The following YWHAB variants were observed in gnomAD, a reference collection of about 807,000 sequenced individuals.
YWHAB encodes tyrosine 3-monooxygenase/tryptophan 5-monooxygenase activation protein beta, also known as 14-3-3 protein beta/alpha.
In YWHAB, 2 loss-of-function variants were observed where a neutral mutation model predicts 28.5. That is an observed-to-expected ratio of 0.07 (90% confidence interval 0.03 to 0.22). The LOEUF is 0.22. Among genes scored for constraint, YWHAB ranks in the 10% least tolerant of loss-of-function variants. The pLI is 1.00. For synonymous variants in YWHAB, 103 were observed against 104.7 expected, an observed-to-expected ratio of 0.98 and a Z score of 0.10; for missense variants, 148 against 297.1, an observed-to-expected ratio of 0.50 and a Z score of 3.69.
intron 1 of YWHAB, among the ~76,000 whole-genome samples, chr20:44,895,505 G>A (rs2066590524): frequency 6.6e-6 from 1 of 152,184 alleles, no homozygotes; most frequent in South Asian, 2.1e-4. Context: ...CAGGGTGTCT[G>A]TCACCCAGGC....
At chr20:44,900,480 C>T (rs1418484882) in intron 1 of YWHAB, among the ~76,000 whole-genome samples, 1 of 152,154 alleles carries the variant, frequency 6.6e-6, no homozygotes, top group Non-Finnish European at 1.5e-5. Context: ...GTCCTAGTAA[C>T]AAAGTTAGCA....
chr20:44,893,694 C>CTTTTTT (rs3091859), intron 1 of YWHAB, among the ~76,000 whole-genome samples: 37 of 103,788 alleles, frequency 3.6e-4, no homozygotes, highest in African/African-American at 1.2e-3. Flanking sequence ...CCTCCCCTGC[C>CTTTTTT]TTTTTTTTTT....
At chr20:44,902,017 G>A in intron 2 of YWHAB, 184 bp downstream of exon 2, 2 of 557,844 alleles carry the variant, frequency 3.6e-6, no homozygotes, top group Non-Finnish European at 5.8e-6. Flanking sequence ...CCTGATCAGA[G>A]GTTGTACATC....
At chr20:44,896,959 A>G (rs961317117) in intron 1 of YWHAB, among the ~76,000 whole-genome samples, 4 of 152,192 alleles carry the variant, frequency 2.6e-5, no homozygotes, top group Non-Finnish European at 5.9e-5. Flanking sequence ...AGATAAATGG[A>G]TACAGATTTT....
intron 1 of YWHAB, among the ~76,000 whole-genome samples, chr20:44,890,415 A>G (rs1234256714): frequency 1.3e-5 from 2 of 151,826 alleles, no homozygotes; most frequent in African/African-American, 2.4e-5. Flanking sequence ...CTTTTTAAGA[A>G]TGCATCAGTT....
intron 1 of YWHAB, among the ~76,000 whole-genome samples, chr20:44,888,520 G>A (rs1320614503): frequency 6.6e-6 from 1 of 152,202 alleles, no homozygotes; most frequent in African/African-American, 2.4e-5. Flanking sequence ...TCTGAGGAAT[G>A]ATATTATAGA....
At chr20:44,891,776 C>A (rs1168859356) in intron 1 of YWHAB, among the ~76,000 whole-genome samples, 1 of 152,194 alleles carries the variant, frequency 6.6e-6, no homozygotes, top group African/African-American at 2.4e-5. Flanking sequence ...AATAGAAATG[C>A]AGTTTCTCTC....
rs563567654 is a variant in YWHAB, at chr20:44,901,966, A to G, written c.300+133A>G. Reference sequence around the variant, plus strand: ...ACTGGAAAGCTGCCAGGTATTTACAACTAATTTTTAAGCATATGATATAAT... The same window carrying G: ...ACTGGAAAGCTGCCAGGTATTTACAGCTAATTTTTAAGCATATGATATAAT... On this transcript the variant is annotated intron_variant, in intron 2 of 5. Coordinates refer to ENST00000353703, the MANE Select transcript of YWHAB (RefSeq NM_139323.4). The G allele has an allele frequency of 2.2e-3, 2,255 of 1,013,460 alleles. 10 individuals carry two copies. The highest frequency in any genetic ancestry group is 2.2e-3 in the Non-Finnish European group (1,631 of 739,336). The allele number at this position is 1,013,460 out of a possible 1,614,324, so 62.8% of individuals were successfully genotyped here.
chr20:44,888,825 C>T (rs1348523434), intron 1 of YWHAB, among the ~76,000 whole-genome samples: 1 of 152,164 alleles, frequency 6.6e-6, no homozygotes, highest in Non-Finnish European at 1.5e-5. Context: ...TTAGGTTCTT[C>T]ATCTAATAGA....
intron 1 of YWHAB, among the ~76,000 whole-genome samples, chr20:44,898,296 G>A (rs918334520): frequency 6.6e-6 from 1 of 152,150 alleles, no homozygotes; most frequent in African/African-American, 2.4e-5. Context: ...CTCTGCATGT[G>A]ATTTAGATAA....
chr20:44,898,592 T>C (rs868764276), intron 1 of YWHAB, among the ~76,000 whole-genome samples: 6 of 151,676 alleles, frequency 4.0e-5, no homozygotes, highest in Middle Eastern at 3.2e-3. Flanking sequence ...CACTGCAACC[T>C]CCGTCTTCCG....
chr20:44,901,254 A>G (rs2066624580), intron 1 of YWHAB, among the ~76,000 whole-genome samples: 2 of 152,022 alleles, frequency 1.3e-5, no homozygotes, highest in Non-Finnish European at 2.9e-5. Context: ...CTGACCCTCC[A>G]TTTCTTCACC....
chr20:44,896,656 T>C (rs1470435342), intron 1 of YWHAB, among the ~76,000 whole-genome samples: 1 of 152,202 alleles, frequency 6.6e-6, no homozygotes, highest in Non-Finnish European at 1.5e-5. Context: ...AGCAAAGGCA[T>C]GGAGGGGGCT....
Position 44,901,074 on chromosome 20 carries a change from A to G in YWHAB, c.-3-457A>G, listed in dbSNP as rs372948725. Among the ~76,000 whole-genome samples the G allele has an allele frequency of 4.6e-5, 7 of 152,184 alleles. No individual in the cohort carries two copies. The East Asian group carries it at 7.7e-4, about 17-fold the overall frequency. ...CAGGTGTGAGCCACTGCACCCGGCT[A>G]GTAAGCATAAACTTCTAAAGAAATA... is the stretch of plus-strand genomic sequence containing the variant. On this transcript the variant is annotated intron_variant, in intron 1 of 5. Transcript: ENST00000353703.
At chr20:44,891,944 G>A (rs1601088611) in intron 1 of YWHAB, among the ~76,000 whole-genome samples, 1 of 152,188 alleles carries the variant, frequency 6.6e-6, no homozygotes, top group Non-Finnish European at 1.5e-5. Context: ...CAGTTTTATA[G>A]TGGGTGTTTT....
chr20:44,906,038 A>G lies in YWHAB; in HGVS notation c.626A>G (p.Asn209Ser). The G allele has an allele frequency of 6.2e-7, 1 of 1,613,998 alleles. No individual in the cohort carries two copies. Among genetic ancestry groups the G allele is most frequent in the Non-Finnish European group, 8.5e-7 (1 of 1,179,930 alleles). ...GCAATTGCTGAATTGGATACGCTGA[A>G]TGAAGAGTCTTATAAAGACAGCACT... Reference protein sequence around the residue: ...DEAIAELDTLNEESYKDSTLI... With the variant: ...DEAIAELDTLSEESYKDSTLI... The change falls in exon 5 of 6, where the codon AAT becomes AGT. Residue 209 changes from asparagine (N) to serine (S), a missense_variant. Physicochemically the swap from Asn to Ser is conservative, Grantham distance 46. Coordinates refer to ENST00000353703, the MANE Select transcript of YWHAB (RefSeq NM_139323.4).
intron 1 of YWHAB, among the ~76,000 whole-genome samples, chr20:44,889,235 A>G (rs2066545991): frequency 6.6e-6 from 1 of 152,194 alleles, no homozygotes; most frequent in South Asian, 2.1e-4. Context: ...GGAGAAACTA[A>G]CGGTTGGAGC....
rs77983018 is a variant in YWHAB, at chr20:44,891,157, C to T, written c.-4+5271C>T. On this transcript the variant is annotated intron_variant, in intron 1 of 5. Transcript: ENST00000353703. ...TTTTCTTCACAGAGTCTTGCTCTGT[C>T]GCCTAGGCTGGAGTGCAGTGGCGTG... is the stretch of plus-strand genomic sequence containing the variant. Among the ~76,000 whole-genome samples, 42 of 151,982 alleles carry T rather than the reference C, an allele frequency of 2.8e-4. No individual in the cohort carries two copies. In the East Asian group the frequency reaches 4.5e-3, roughly 16 times the overall value.
chr20:44,888,449 G>A (rs886787574), intron 1 of YWHAB, among the ~76,000 whole-genome samples: 1 of 152,072 alleles, frequency 6.6e-6, no homozygotes, highest in African/African-American at 2.4e-5. Context: ...TAATTTTCCC[G>A]AGGTCTCACA....
Sources: allele counts gnomAD v4.1 joint callset (sites outside exome capture counted in the v4.1 genomes callset), GRCh38; gene constraint gnomAD v4.1.1; transcripts MANE v1.5; gene names NCBI Gene and HGNC (gene_info 2026-07-23, HGNC 2026-07-21).